The following PUS7 variants were observed in gnomAD, a reference collection of about 807,000 sequenced individuals.
PUS7 encodes the protein pseudouridine synthase 7.
PUS7 carries 48 observed loss-of-function variants against 79.8 expected under a neutral mutation model. The observed-to-expected ratio is 0.60, with a 90% CI of 0.48 to 0.76. The LOEUF is 0.76. Among genes scored for constraint, PUS7 ranks in the 30% least tolerant of loss-of-function variants. The pLI is 0.00. For missense variants in PUS7, 729 were observed against 797.6 expected (o/e 0.91, Z 1.04); for synonymous variants, 286 against 272.2 (o/e 1.05, Z -0.50).
chr7:105,474,424 G>C (rs1823998030), intron 9 of PUS7, among the ~76,000 whole-genome samples: 1 of 152,010 alleles, frequency 6.6e-6, no homozygotes, highest in African/African-American at 2.4e-5. Flanking sequence ...GTACTAGTTG[G>C]TACTAGGGAC....
intron 14 of PUS7, among the ~76,000 whole-genome samples, chr7:105,461,596 ATAAC>A (rs1823429647): frequency 6.6e-6 from 1 of 152,218 alleles, no homozygotes; most frequent in African/African-American, 2.4e-5. Context: ...AATAACAATA[ATAAC>A]TAACACTTAT....
chr7:105,512,783 G>T (rs913492868), intron 1 of PUS7, among the ~76,000 whole-genome samples: 1 of 152,184 alleles, frequency 6.6e-6, no homozygotes, highest in African/African-American at 2.4e-5. Flanking sequence ...AGAAACTGGG[G>T]TTAGGCTGGA....
intron 6 of PUS7, among the ~76,000 whole-genome samples, chr7:105,491,846 C>G (rs770769039): frequency 1.1e-4 from 16 of 152,040 alleles, no homozygotes; most frequent in Non-Finnish European, 8.8e-5. Flanking sequence ...CACCTGAGGT[C>G]AGGAGTTCAA....
Position 105,466,758 on chromosome 7 carries a change from G to A in PUS7, c.1526-1344C>T, listed in dbSNP as rs1164568327. ...GCATTTTGCTGGGAAAAAAAAAAAA[G>A]TTAAAAAAAAAAACTGGAATGTACT... On this transcript the variant is annotated intron_variant, in intron 12 of 15. Transcript: ENST00000469408. Among the ~76,000 whole-genome samples, 32 of 148,534 alleles carry A rather than the reference G, an allele frequency of 2.2e-4. No homozygotes were observed. The South Asian group carries it at 5.9e-3, about 28-fold the overall frequency.
chr7:105,521,072 G>A (rs1031095106), intron 1 of PUS7, among the ~76,000 whole-genome samples: 1 of 150,262 alleles, frequency 6.7e-6, no homozygotes, highest in Non-Finnish European at 1.5e-5. Context: ...TGTTAAGTAC[G>A]TACTGTTGGC....
chr7:105,483,762 T>C (rs1824428494), intron 7 of PUS7, among the ~76,000 whole-genome samples: 1 of 152,160 alleles, frequency 6.6e-6, no homozygotes, highest in African/African-American at 2.4e-5. Context: ...TCCCAAAGTG[T>C]TGGGATTACA....
intron 5 of PUS7, among the ~76,000 whole-genome samples, chr7:105,501,380 T>C (rs1465882166): frequency 1.3e-5 from 2 of 152,150 alleles, no homozygotes; most frequent in Non-Finnish European, 2.9e-5. Flanking sequence ...AAATTTTATC[T>C]GTCAATTTGG....
intron 14 of PUS7, among the ~76,000 whole-genome samples, chr7:105,461,291 A>T (rs558063189): frequency 1.3e-5 from 2 of 152,338 alleles, no homozygotes; most frequent in African/African-American, 2.4e-5. Flanking sequence ...ATAGGAAAAA[A>T]GTTCACTCTA....
rs77614008 is a variant in PUS7 at position 105,501,973 on chromosome 7, T to A, written c.730+447A>T. Among the ~76,000 whole-genome samples the A allele has an allele frequency of 2.1e-3, 265 of 125,982 alleles. 5 individuals are homozygous for A. The highest frequency in any genetic ancestry group is 7.4e-3 in the African/African-American group (245 of 32,896). The allele number at this position is 125,982 out of a possible 152,430, so 82.6% of individuals were successfully genotyped here. ...CCGTCTCAAAAAAAAAAAAAAAATATATATATATATATATATATAGGGGCC... is the reference window on the plus strand; with the variant it reads ...CCGTCTCAAAAAAAAAAAAAAAATAAATATATATATATATATATAGGGGCC... On this transcript the variant is annotated intron_variant, in intron 5 of 15. Transcript: ENST00000469408.
At position 105,459,268 on chromosome 7, in the gene PUS7, CAT is replaced by C. The variant is rs1250786986; in HGVS notation, c.1758-11_1758-10del. 4.4e-6 allele frequency: 7 copies of C among 1,582,884 alleles called. No individual in the cohort carries two copies. Among genetic ancestry groups the C allele is most frequent in the Admixed American group, 1.7e-5 (1 of 59,508 alleles). On this transcript the variant is annotated splice_polypyrimidine_tract_variant and intron_variant, in intron 14 of 15. Coordinates refer to ENST00000469408, the MANE Select transcript of PUS7 (RefSeq NM_019042.5). Reference sequence around the variant, plus strand: ...CATATGCAACGACTTCCCTTCAAAACATATGAATAAAGATAAGTGTGAATGTG... The same window carrying C: ...CATATGCAACGACTTCCCTTCAAAACATGAATAAAGATAAGTGTGAATGTG...
At position 105,502,445 on chromosome 7, in the gene PUS7, G is replaced by A. The variant is rs148316807; in HGVS notation, c.705C>T (p.His235=). 20 of 1,613,984 alleles carry A rather than the reference G, an allele frequency of 1.2e-5. No individual in the cohort carries two copies. The highest frequency in any genetic ancestry group is 5.3e-5 in the African/African-American group (4 of 74,914). ...TTGCCAAAGCCTTTTTCCCAGCTGCGTGGTAGGCTACAATGTATTTCTTCC... is the reference window on the plus strand; with the variant it reads ...TTGCCAAAGCCTTTTTCCCAGCTGCATGGTAGGCTACAATGTATTTCTTCC... The part of the protein sequence containing the change: ...REGKKYIVAY[H]AAGKKALANP... Residue 235 remains histidine, a synonymous_variant, in exon 5 of 16, where the codon CAC becomes CAT. Transcript: ENST00000469408.
chr7:105,460,835 CAG>C (rs939303383), intron 14 of PUS7, among the ~76,000 whole-genome samples: 7 of 110,584 alleles, frequency 6.3e-5, no homozygotes, highest in African/African-American at 2.5e-4. Flanking sequence ...GCCTGGGCGA[CAG>C]AGCGAGACTC....
At position 105,507,743 on chromosome 7, in the gene PUS7, T is replaced by C. The variant is rs1297437747; in HGVS notation, c.398+372A>G. On this transcript the variant is annotated intron_variant, in intron 2 of 15. Transcript: ENST00000469408. ...TTTTAGTATAGATGTGCTTTCACCA[T>C]GTTGGCCAGGCTGGTCTCAAACTCC... Among the ~76,000 whole-genome samples the C allele has an allele frequency of 2.0e-5, 3 of 151,884 alleles. No individual in the cohort carries two copies. The East Asian group carries it at 5.8e-4, about 30-fold the overall frequency.
chr7:105,488,448 GAAAGA>G (rs1824641779), intron 7 of PUS7, among the ~76,000 whole-genome samples: 1 of 151,968 alleles, frequency 6.6e-6, no homozygotes, highest in Non-Finnish European at 1.5e-5. Flanking sequence ...CCAGCAGATG[GAAAGA>G]AAAAAGACAA....
At chr7:105,482,114 C>T (rs1159913787) in intron 8 of PUS7, among the ~76,000 whole-genome samples, 198 bp downstream of exon 8, 3 of 152,206 alleles carry the variant, frequency 2.0e-5, no homozygotes, top group Admixed American at 2.0e-4. Flanking sequence ...AAGGTGTCCA[C>T]ACAAATCCTA....
intron 4 of PUS7, among the ~76,000 whole-genome samples, chr7:105,505,490 T>C (rs541258363): frequency 1.2e-4 from 18 of 152,210 alleles, no homozygotes; most frequent in Non-Finnish European, 2.6e-4. Flanking sequence ...CTGGGTCACA[T>C]ACCTGACAGA....
At chr7:105,467,078 T>G (rs1029010322) in intron 12 of PUS7, among the ~76,000 whole-genome samples, 8 of 145,108 alleles carry the variant, frequency 5.5e-5, no homozygotes, top group Admixed American at 2.8e-4. Context: ...GCTGTGGAAC[T>G]TTGGGCAAGT....
At position 105,514,026 on chromosome 7, in the gene PUS7, C is replaced by T. The variant is rs1360067939; in HGVS notation, c.-32-5482G>A. On this transcript the variant is annotated intron_variant, in intron 1 of 15. Coordinates refer to ENST00000469408, the MANE Select transcript of PUS7 (RefSeq NM_019042.5). ...AGGCCGGATCACGAAGTCAGGAGAT[C>T]GAAACCAACCTGGCTAACATGGTGA... 7.4e-5 allele frequency among the ~76,000 whole-genome samples: 10 copies of T among 134,232 alleles called. 1 individual carries two copies. Among genetic ancestry groups the T allele is most frequent in the Non-Finnish European group, 1.3e-4 (8 of 61,686 alleles). The allele number at this position is 134,232 out of a possible 152,430, so 88.1% of individuals were successfully genotyped here.
intron 6 of PUS7, among the ~76,000 whole-genome samples, chr7:105,494,638 G>C (rs996659442): frequency 5.3e-5 from 8 of 151,886 alleles, no homozygotes; most frequent in Admixed American, 1.3e-4. Context: ...TCGATCTCTT[G>C]ACCTCGTGAT....
Sources: allele counts gnomAD v4.1 joint callset (sites outside exome capture counted in the v4.1 genomes callset), GRCh38; gene constraint gnomAD v4.1.1; transcripts MANE v1.5; gene names NCBI Gene and HGNC (gene_info 2026-07-23, HGNC 2026-07-21).